Variants in NOP14 observed in about 807,000 individuals in gnomAD.
NOP14 encodes nucleolar protein 14.
In NOP14, 57 loss-of-function variants were observed where a neutral mutation model predicts 101.6. That is an observed-to-expected ratio of 0.56 (90% confidence interval 0.45 to 0.70). The LOEUF (loss-of-function observed/expected upper bound fraction) is 0.70. Ranked by LOEUF, NOP14 falls within the 30% of genes least tolerant of loss-of-function variation. The pLI, the probability that NOP14 is intolerant of heterozygous loss-of-function variation, is 0.00. For missense variants in NOP14, 1,134 were observed against 1,075.5 expected (o/e 1.05, Z -0.76); for synonymous variants, 428 against 424.0 (o/e 1.01, Z -0.12).
chr4:2,942,953 G>A (rs748170922), intron 13 of NOP14, among the ~76,000 whole-genome samples: 1 of 152,202 alleles, frequency 6.6e-6, no homozygotes, highest in East Asian at 1.9e-4. Flanking sequence ...CGGGCCAAGC[G>A]AGAGGGGAAG....
At chr4:2,945,388 A>G (rs1319834351) in intron 11 of NOP14, among the ~76,000 whole-genome samples, 159 bp from the exon 12 acceptor site, 1 of 152,172 alleles carries the variant, frequency 6.6e-6, no homozygotes, top group African/African-American at 2.4e-5. Context: ...CAGGCGTCCA[A>G]CCACCGTGGG....
At chr4:2,959,870 A>C (rs1715609567) in intron 1 of NOP14, among the ~76,000 whole-genome samples, 1 of 152,194 alleles carries the variant, frequency 6.6e-6, no homozygotes, top group Non-Finnish European at 1.5e-5. Flanking sequence ...TTAAATCACA[A>C]GGTCTAGCTG....
intron 13 of NOP14, among the ~76,000 whole-genome samples, chr4:2,942,763 G>A (rs1360762858): frequency 6.6e-6 from 1 of 152,220 alleles, no homozygotes; most frequent in Non-Finnish European, 1.5e-5. Flanking sequence ...AGGGGCAGGA[G>A]GGAGACAGGA....
At chr4:2,954,709 C>T in intron 3 of NOP14, 146 bp from the exon 4 acceptor site, 1 of 978,496 alleles carries the variant, frequency 1.0e-6, no homozygotes, top group South Asian at 1.7e-5. Context: ...ACAGCCTGGC[C>T]TGAGACCACA....
chr4:2,954,041 C>T (rs1245600993), intron 4 of NOP14, among the ~76,000 whole-genome samples: 1 of 152,138 alleles, frequency 6.6e-6, no homozygotes, highest in Non-Finnish European at 1.5e-5. Flanking sequence ...CGATCCCCAT[C>T]TCTACAAAAA....
chr4:2,942,415 C>T (rs977786355), intron 13 of NOP14, 64 bp from the exon 14 acceptor site: 32 of 1,503,358 alleles, frequency 2.1e-5, no homozygotes, highest in East Asian at 4.6e-5. Flanking sequence ...GCAGGCTCTG[C>T]GGCACCGAGC....
At chr4:2,951,967 C>T (rs754436685) in intron 6 of NOP14, among the ~76,000 whole-genome samples, 1 of 151,972 alleles carries the variant, frequency 6.6e-6, no homozygotes, top group Non-Finnish European at 1.5e-5. Context: ...ATTAGCCGGG[C>T]GTGGTGGCAG....
At chr4:2,952,682 C>G (rs962033550) in intron 5 of NOP14, among the ~76,000 whole-genome samples, 4 of 152,252 alleles carry the variant, frequency 2.6e-5, no homozygotes, top group African/African-American at 9.6e-5. Context: ...TGGCTCACGC[C>G]TGTAATCCCA....
At position 2,939,181 on chromosome 4, in the gene NOP14, C is replaced by T; in HGVS notation, c.2474+7G>A. 6.2e-7 allele frequency: 1 copy of T among 1,613,904 alleles called. No individual in the cohort carries two copies. The highest frequency in any genetic ancestry group is 8.5e-7 in the Non-Finnish European group (1 of 1,180,012). On this transcript the variant is annotated splice_region_variant and intron_variant, in intron 17 of 17. Coordinates refer to ENST00000416614, the MANE Select transcript of NOP14 (RefSeq NM_001291978.2). Reference sequence around the variant, plus strand: ...ACAATCGTGTCGCACACACACGTCCCCCTCACCGTTCCATGATTTCTGAGA... The same window carrying T: ...ACAATCGTGTCGCACACACACGTCCTCCTCACCGTTCCATGATTTCTGAGA...
chr4:2,958,709 T>C (rs1715510259), intron 1 of NOP14, among the ~76,000 whole-genome samples: 1 of 152,222 alleles, frequency 6.6e-6, no homozygotes, highest in Non-Finnish European at 1.5e-5. Flanking sequence ...AATGCGTGCG[T>C]GTGGCAGGAG....
chr4:2,938,615 C>T lies in NOP14; in HGVS notation c.*216G>A, dbSNP rs886791898. 2.0e-5 allele frequency: 11 copies of T among 556,148 alleles called. No individual in the cohort carries two copies. The highest frequency in any genetic ancestry group is 1.1e-4 in the South Asian group (5 of 46,700). The allele number at this position is 556,148 out of a possible 1,614,324, so 34.5% of individuals were successfully genotyped here. A position where few individuals can be genotyped will look rare whatever the true frequency, so the allele number is the denominator to read the frequency against. ...CCTTGGACTCAGCTCAAGCAGTCCTCCTGCTTCAGCCTCCCGAGTAGTTGG... is the reference window on the plus strand; with the variant it reads ...CCTTGGACTCAGCTCAAGCAGTCCTTCTGCTTCAGCCTCCCGAGTAGTTGG... On this transcript the variant is annotated 3_prime_UTR_variant, in exon 18 of 18. Coordinates refer to ENST00000416614, the MANE Select transcript of NOP14 (RefSeq NM_001291978.2).
In NOP14 at chr4:2,944,181, A is replaced by C; in HGVS notation, c.1783T>G (p.Cys595Gly). 6.2e-7 allele frequency: 1 copy of C among 1,614,148 alleles called. No individual in the cohort carries two copies. Among genetic ancestry groups the C allele is most frequent in the Non-Finnish European group, 8.5e-7 (1 of 1,180,004 alleles). The change falls in exon 13 of 18, where the codon TGC (cysteine) becomes GGC (glycine). Residue 595 changes from cysteine to glycine, a missense_variant. Physicochemically the swap from Cys to Gly is radical, Grantham distance 159. Coordinates refer to ENST00000416614, the MANE Select transcript of NOP14 (RefSeq NM_001291978.2). ...LQDVVKGLFV[C>G]CLFLEYVALS... The stretch of plus-strand genomic sequence containing the variant: ...GCCACATACTCCAGGAACAGGCAGC[A>C]CACGAACAGGCCCTTCACCACGTCC...
At chr4:2,951,980 G>A (rs374411397) in intron 6 of NOP14, among the ~76,000 whole-genome samples, 2 of 151,944 alleles carry the variant, frequency 1.3e-5, no homozygotes, top group Non-Finnish European at 2.9e-5. Context: ...GGTGGCAGGC[G>A]CCTGTAATCC....
At chr4:2,939,503 C>T (rs780847098) in intron 16 of NOP14, 24 bp downstream of exon 16, 2 of 1,608,598 alleles carry the variant, frequency 1.2e-6, no homozygotes, top group Admixed American at 3.3e-5. Context: ...CCTGGCCTCC[C>T]AGGGAGATGC....
At chr4:2,950,338 G>T in intron 7 of NOP14, 125 bp from the exon 8 acceptor site, 1 of 1,031,694 alleles carries the variant, frequency 9.7e-7, no homozygotes, top group Non-Finnish European at 1.4e-6. Context: ...ACACAAACCT[G>T]TGTGCTCCAT....
chr4:2,953,669 C>G (rs756148646), intron 4 of NOP14, 24 bp from the exon 5 acceptor site: 36 of 1,613,518 alleles, frequency 2.2e-5, no homozygotes, highest in Middle Eastern at 3.3e-4. Context: ...AACAGACACA[C>G]ACCACATACC....
At chr4:2,953,471 C>G (rs747105241) in intron 5 of NOP14, 40 bp downstream of exon 5, 5 of 1,609,854 alleles carry the variant, frequency 3.1e-6, no homozygotes, top group Non-Finnish European at 4.2e-6. Context: ...GTCACCCAAG[C>G]TCAGTGAGTG....
rs771876614 is a variant in NOP14, at chr4:2,945,242, T to C, written c.1636-13A>G. The stretch of plus-strand genomic sequence containing the variant: ...TCAAATAAATGAGCTGGAAAGAAAG[T>C]GTTACCACAGGTTAAAGAAGGTAAA... On this transcript the variant is annotated splice_polypyrimidine_tract_variant and intron_variant, in intron 11 of 17. Transcript: ENST00000416614. 5 of 1,548,060 alleles carry C rather than the reference T, an allele frequency of 3.2e-6. No homozygotes were observed. The highest frequency in any genetic ancestry group is 1.7e-4 in the Middle Eastern group (1 of 5,972).
chr4:2,956,474 T>TA (rs1297208035), intron 3 of NOP14, among the ~76,000 whole-genome samples, 196 bp downstream of exon 3: 1 of 152,080 alleles, frequency 6.6e-6, no homozygotes, highest in Non-Finnish European at 1.5e-5. Context: ...CACACCATCT[T>TA]AAAGTTCTGA....
Sources: gnomAD v4.1 joint callset for allele counts (sites outside exome capture counted in the v4.1 genomes callset) on GRCh38, gnomAD v4.1.1 for gene constraint, MANE v1.5 for transcripts, NCBI Gene and HGNC (gene_info 2026-07-23, HGNC 2026-07-21) for gene names.